Variants in R3HDM1 observed in about 807,000 individuals in gnomAD.
The protein encoded by R3HDM1 is R3H domain-containing protein 1.
Under a neutral mutation model 141.1 loss-of-function variants are expected in R3HDM1, and 46 were observed. That is an observed-to-expected ratio of 0.33 (90% CI 0.26 to 0.42). R3HDM1 has a LOEUF of 0.42. Ranked by LOEUF, R3HDM1 falls within the 10% of genes least tolerant of loss-of-function variation. The pLI, the probability that R3HDM1 is intolerant of heterozygous loss-of-function variation, is 1.00. For missense variants in R3HDM1, 1,184 were observed against 1,368.3 expected (o/e 0.87, Z 2.12); for synonymous variants, 435 against 472.9 (o/e 0.92, Z 1.04).
Position 135,674,534 on chromosome 2 carries a change from G to C in R3HDM1, c.2153-798G>C, listed in dbSNP as rs551127726. Among the ~76,000 whole-genome samples, 6 of 152,242 alleles carry C rather than the reference G, an allele frequency of 3.9e-5. No individual in the cohort carries two copies. In the East Asian group the frequency reaches 1.2e-3, roughly 29 times the overall value. ...CCTAAAAGAATCCTCTTAGGATCAG[G>C]AGACAAAATACAATTCGTATTCTCT... is the stretch of plus-strand genomic sequence containing the variant. On this transcript the variant is annotated intron_variant, in intron 19 of 26. Coordinates refer to ENST00000683871, the MANE Select transcript of R3HDM1 (RefSeq NM_001378107.1).
At chr2:135,641,441 C>T in intron 14 of R3HDM1, 95 bp from the exon 15 acceptor site, 4 of 1,338,352 alleles carry the variant, frequency 3.0e-6, no homozygotes, top group Non-Finnish European at 4.1e-6. Context: ...GTAGTAACTG[C>T]ATGTTATGCA....
Position 135,660,528 on chromosome 2 carries a change from T to A in R3HDM1, c.2029-742T>A, listed in dbSNP as rs560764098. On this transcript the variant is annotated intron_variant, in intron 18 of 26. Coordinates refer to ENST00000683871, the MANE Select transcript of R3HDM1 (RefSeq NM_001378107.1). Reference sequence around the variant, plus strand: ...TCAGAAAGTTAAAGATTTTGGAGCATTTCAGATTTTGGACATTTGGATTTT... The same window carrying A: ...TCAGAAAGTTAAAGATTTTGGAGCAATTCAGATTTTGGACATTTGGATTTT... Among the ~76,000 whole-genome samples, 9 of 152,276 alleles carry A rather than the reference T, an allele frequency of 5.9e-5. No homozygotes were observed. The South Asian group carries it at 1.9e-3, about 32-fold the overall frequency.
chr2:135,587,490 T>C (rs780774675), intron 1 of R3HDM1, among the ~76,000 whole-genome samples: 2 of 152,200 alleles, frequency 1.3e-5, no homozygotes, highest in Admixed American at 1.3e-4. Context: ...TGCTCTTTCT[T>C]TTGTCTATTT....
At chr2:135,605,987 A>AG (rs2060014924) in intron 3 of R3HDM1, 2 of 150,270 alleles carry the variant, frequency 1.3e-5, no homozygotes, top group African/African-American at 5.0e-5. Context: ...CCTGGCCCAC[A>AG]ATTTTTTTTT....
chr2:135,661,605 G>A (rs1481564305), intron 19 of R3HDM1, among the ~76,000 whole-genome samples: 1 of 152,186 alleles, frequency 6.6e-6, no homozygotes, highest in Non-Finnish European at 1.5e-5. Context: ...CTAAAGGGTT[G>A]GGAGCTGTAC....
chr2:135,677,891 A>G (rs752175373), intron 20 of R3HDM1, among the ~76,000 whole-genome samples: 3 of 152,092 alleles, frequency 2.0e-5, no homozygotes, highest in African/African-American at 4.8e-5. Context: ...AGTGTATTCT[A>G]TGCCTGTACA....
At position 135,547,476 on chromosome 2, in the gene R3HDM1, C is replaced by CT. The variant is rs57305680; in HGVS notation, c.-250+15857dup. Among the ~76,000 whole-genome samples the CT allele has an allele frequency of 7.4e-3, 1,026 of 138,048 alleles. 6 individuals are homozygous for CT. The highest frequency in any genetic ancestry group is 0.026 in the South Asian group (111 of 4,348). The allele number at this position is 138,048 out of a possible 152,430, so 90.6% of individuals were successfully genotyped here. A position where few individuals can be genotyped will look rare whatever the true frequency, so the allele number is the denominator to read the frequency against. On this transcript the variant is annotated intron_variant, in intron 1 of 26. Coordinates refer to ENST00000683871, the MANE Select transcript of R3HDM1 (RefSeq NM_001378107.1). ...TTTTTTTTCTGGAGTTTCTAATTGT[C>CT]TTTTTTTTTTTTTTCTGGTTGACAA... is the stretch of plus-strand genomic sequence containing the variant.
intron 14 of R3HDM1, among the ~76,000 whole-genome samples, chr2:135,640,194 C>T (rs1174107783): frequency 6.6e-6 from 1 of 151,880 alleles, no homozygotes; most frequent in Non-Finnish European, 1.5e-5. Flanking sequence ...AATTGAAGGA[C>T]ATATTTGAAC....
At chr2:135,703,838 A>T (rs1053443865) in intron 21 of R3HDM1, among the ~76,000 whole-genome samples, 1 of 152,196 alleles carries the variant, frequency 6.6e-6, no homozygotes, top group Non-Finnish European at 1.5e-5. Context: ...TACTAGGTAT[A>T]TATACCCTCA....
At position 135,666,454 on chromosome 2, in the gene R3HDM1, T is replaced by A. The variant is rs958377470; in HGVS notation, c.2152+5061T>A. 2.6e-5 allele frequency among the ~76,000 whole-genome samples: 4 copies of A among 152,318 alleles called. No homozygotes were observed. In the South Asian group the frequency reaches 8.3e-4, roughly 32 times the overall value. ...CATTTCTTAGTATGTATTGTGTGAT[T>A]CAGCATAGATTCAGACATTGTATAA... On this transcript the variant is annotated intron_variant, in intron 19 of 26. Transcript: ENST00000683871.
At chr2:135,539,766 A>T (rs913075438) in intron 1 of R3HDM1, among the ~76,000 whole-genome samples, 1 of 152,232 alleles carries the variant, frequency 6.6e-6, no homozygotes, top group Non-Finnish European at 1.5e-5. Context: ...TTGCTAAAAA[A>T]TTTTAATCAT....
intron 3 of R3HDM1, among the ~76,000 whole-genome samples, chr2:135,608,177 A>G (rs1417396597): frequency 6.6e-6 from 1 of 152,064 alleles, no homozygotes; most frequent in Non-Finnish European, 1.5e-5. Flanking sequence ...TTAGCTGGGC[A>G]TGGTGGCGCA....
intron 5 of R3HDM1, among the ~76,000 whole-genome samples, chr2:135,619,072 G>A (rs933984757): frequency 6.6e-6 from 1 of 151,250 alleles, no homozygotes. Flanking sequence ...TAAAGAATAC[G>A]CCTGTTTGGG....
At chr2:135,667,666 C>A in intron 19 of R3HDM1, 1 of 977,494 alleles carries the variant, frequency 1.0e-6, no homozygotes, top group Non-Finnish European at 1.2e-6. Context: ...ACTGGAAATA[C>A]TCTTCTTGTA....
chr2:135,603,116 G>A (rs184616052), intron 2 of R3HDM1, among the ~76,000 whole-genome samples: 244 of 152,134 alleles, frequency 1.6e-3, no homozygotes, highest in African/African-American at 4.6e-3. Flanking sequence ...CAAGTAGCTG[G>A]GACTACAGGC....
At chr2:135,550,219 GA>G (rs1699572488) in intron 1 of R3HDM1, 1 of 984,604 alleles carries the variant, frequency 1.0e-6, no homozygotes, top group Admixed American at 6.2e-5. Flanking sequence ...AATGAATGCT[GA>G]TTTTGAAAAT....
chr2:135,677,515 TAGTA>T (rs2069408820), intron 20 of R3HDM1, among the ~76,000 whole-genome samples: 2 of 152,176 alleles, frequency 1.3e-5, no homozygotes, highest in Admixed American at 1.3e-4. Context: ...GGCTTACATC[TAGTA>T]AGAGAAATGT....
In R3HDM1 at chr2:135,651,949, A is replaced by T. The variant is rs753677824; in HGVS notation, c.1945A>T (p.Thr649Ser). 7 of 1,613,412 alleles carry T rather than the reference A, an allele frequency of 4.3e-6. No individual in the cohort carries two copies. Among genetic ancestry groups the T allele is most frequent in the Admixed American group, 1.7e-5 (1 of 59,958 alleles). ...PPLPPGQPVP[T>S]AGYPASGHPV... ...CCTACCACCTGGGCAGCCAGTCCCTACTGCTGGATATCCTGCCTCTGGTCA... is the reference window on the plus strand; with the variant it reads ...CCTACCACCTGGGCAGCCAGTCCCTTCTGCTGGATATCCTGCCTCTGGTCA... Residue 649 changes from threonine (T) to serine (S), a missense_variant, in exon 18 of 27, where the codon ACT becomes TCT. Around this residue, in one of 5 missense-constraint regions of R3HDM1, gnomAD observed 563 missense variants for 562.0 expected, o/e 1.00. Coordinates refer to ENST00000683871, the MANE Select transcript of R3HDM1 (RefSeq NM_001378107.1).
Position 135,639,008 on chromosome 2 carries a change from C to G in R3HDM1, c.1105C>G (p.Leu369Val). 1.9e-6 allele frequency: 3 copies of G among 1,614,174 alleles called. No homozygotes were observed. Among genetic ancestry groups the G allele is most frequent in the Non-Finnish European group, 2.5e-6 (3 of 1,180,032 alleles). ...PWSSTDSDSS[L>V]RNLKPAVTKA... ...GAGCAGCACAGATTCAGACAGCTCT[C>G]TTCGAAACCTGAAACCTGCTGTAAC... Residue 369 changes from leucine (L) to valine (V), a missense_variant, in exon 14 of 27, where the codon CTT becomes GTT. This residue lies in a region of R3HDM1 where 240 missense variants were observed against 312.3 expected (regional missense o/e 0.77). Coordinates refer to ENST00000683871, the MANE Select transcript of R3HDM1 (RefSeq NM_001378107.1).
Sources: gnomAD v4.1 joint callset for allele counts (sites outside exome capture counted in the v4.1 genomes callset) on GRCh38, gnomAD v4.1.1 for gene constraint, gnomAD v4.1.1 regional missense constraint, MANE v1.5 for transcripts, NCBI Gene and HGNC (gene_info 2026-07-23, HGNC 2026-07-21) for gene names.